The following CLASP1 variants were observed in gnomAD, a reference collection of about 807,000 sequenced individuals.
CLASP1 encodes CLIP-associating protein 1.
Under a neutral mutation model 192.3 loss-of-function variants are expected in CLASP1, and 38 were observed. The ratio of observed to expected loss-of-function variants is 0.20; its 90% CI spans 0.15 to 0.26. CLASP1 has a LOEUF of 0.26. Among genes scored for constraint, CLASP1 ranks in the 10% least tolerant of loss-of-function variants. The probability of loss-of-function intolerance (pLI) is 1.00; values close to 1 mark genes in which losing one functional copy is unlikely to be tolerated. For synonymous variants in CLASP1, 691 were observed against 712.8 expected, an observed-to-expected ratio of 0.97 and a Z score of 0.49; for missense variants, 1,433 against 1,932.5, an observed-to-expected ratio of 0.74 and a Z score of 4.85.
At chr2:121,430,367 G>T (rs1296394115) in intron 19 of CLASP1, among the ~76,000 whole-genome samples, 190 bp from the exon 20 acceptor site, 2 of 152,288 alleles carry the variant, frequency 1.3e-5, no homozygotes, top group Admixed American at 1.3e-4. Flanking sequence ...ATGCGCATAT[G>T]ATCCACGCAC....
intron 24 of CLASP1, among the ~76,000 whole-genome samples, chr2:121,408,583 G>C (rs940041760): frequency 6.6e-6 from 1 of 152,106 alleles, no homozygotes; most frequent in Non-Finnish European, 1.5e-5. Flanking sequence ...AACTTGCTCA[G>C]GACTGTTCTG....
At chr2:121,354,398 C>T (rs1054499483) in intron 37 of CLASP1, among the ~76,000 whole-genome samples, 5 of 152,166 alleles carry the variant, frequency 3.3e-5, no homozygotes, top group Admixed American at 6.5e-5. Context: ...TTACCTCAGA[C>T]GGGGCGCTTT....
intron 22 of CLASP1, 77 bp from the exon 23 acceptor site, chr2:121,418,806 A>C: frequency 9.5e-7 from 1 of 1,051,920 alleles, no homozygotes. Flanking sequence ...AATGTCAGTC[A>C]CATTTGGTTA....
At chr2:121,408,585 A>T (rs2077244596) in intron 24 of CLASP1, among the ~76,000 whole-genome samples, 1 of 152,186 alleles carries the variant, frequency 6.6e-6, no homozygotes, top group Non-Finnish European at 1.5e-5. Flanking sequence ...CTTGCTCAGG[A>T]CTGTTCTGCC....
At chr2:121,593,818 A>G (rs1212894839) in intron 2 of CLASP1, among the ~76,000 whole-genome samples, 1 of 146,294 alleles carries the variant, frequency 6.8e-6, no homozygotes, top group African/African-American at 2.6e-5. Flanking sequence ...CAAGACCAGC[A>G]TGACCAACAT....
At chr2:121,609,491 T>C (rs181484661) in intron 1 of CLASP1, among the ~76,000 whole-genome samples, 1 of 152,344 alleles carries the variant, frequency 6.6e-6, no homozygotes, top group Admixed American at 6.5e-5. Flanking sequence ...CTTATTCTTA[T>C]TAAACTGATG....
chr2:121,461,104 A>G, exon 11 of CLASP1: 1 of 1,585,458 alleles, frequency 6.3e-7, no homozygotes, highest in South Asian at 1.1e-5. Context: ...AGCTTACAGC[A>G]TTTACTCTCT....
intron 2 of CLASP1, among the ~76,000 whole-genome samples, chr2:121,543,214 G>T (rs2095267526): frequency 1.3e-5 from 2 of 152,082 alleles, no homozygotes; most frequent in South Asian, 4.1e-4. Context: ...GGGGGTAAGG[G>T]GGCCATGGAA....
chr2:121,645,754 A>C (rs1353998826), intron 1 of CLASP1, among the ~76,000 whole-genome samples: 1 of 152,198 alleles, frequency 6.6e-6, no homozygotes, highest in African/African-American at 2.4e-5. Flanking sequence ...TTATGGAAGA[A>C]ATGTCACCAT....
chr2:121,443,343 G>A (rs1237061410), intron 19 of CLASP1, among the ~76,000 whole-genome samples: 1 of 151,442 alleles, frequency 6.6e-6, no homozygotes, highest in East Asian at 1.9e-4. Flanking sequence ...TTTCAATTCT[G>A]TTATATAGGC....
chr2:121,418,847 G>T, intron 22 of CLASP1, 118 bp from the exon 23 acceptor site: 1 of 712,510 alleles, frequency 1.4e-6, no homozygotes, highest in Non-Finnish European at 2.4e-6. Context: ...GCGCTGGGGA[G>T]TTCTGATGAC....
At chr2:121,633,470 C>G (rs1305276823) in intron 1 of CLASP1, among the ~76,000 whole-genome samples, 1 of 152,052 alleles carries the variant, frequency 6.6e-6, no homozygotes, top group African/African-American at 2.4e-5. Context: ...GAATCACTGA[C>G]CAGTTTATAA....
At chr2:121,638,073 C>T (rs2071242640) in intron 1 of CLASP1, among the ~76,000 whole-genome samples, 1 of 151,986 alleles carries the variant, frequency 6.6e-6, no homozygotes, top group South Asian at 2.1e-4. Flanking sequence ...TGACAAAGGA[C>T]TTGTAACCAA....
At position 121,360,604 on chromosome 2, in the gene CLASP1, A is replaced by G. The variant is rs1464900626; in HGVS notation, c.4206+2568T>C. Among the ~76,000 whole-genome samples, 10 of 100,404 alleles carry G rather than the reference A, an allele frequency of 1.0e-4. No homozygotes were observed. The East Asian group carries it at 2.6e-3, about 26-fold the overall frequency. The allele number at this position is 100,404 out of a possible 152,430, so 65.9% of individuals were successfully genotyped here. On this transcript the variant is annotated intron_variant, in intron 37 of 39. Coordinates refer to ENST00000263710, the Ensembl canonical transcript of CLASP1. ...TAAGAAGAACTTCAAGGGAAAAGAA[A>G]AAAAAAAAAAAAAGGAACGAAAAAT...
At position 121,402,214 on chromosome 2, in the gene CLASP1, G is replaced by A. The variant is rs187815277; in HGVS notation, c.2734-344C>T. Among the ~76,000 whole-genome samples the A allele has an allele frequency of 2.1e-3, 323 of 152,210 alleles. 1 individual carries two copies. Among genetic ancestry groups the A allele is most frequent in the African/African-American group, 7.3e-3 (302 of 41,524 alleles). ...CTATTGTGTAGCTATTGCTTTTCAC[G>A]TCAGACATTTTGATGTATACCAATT... On this transcript the variant is annotated intron_variant, in intron 26 of 39. Coordinates refer to ENST00000263710, the Ensembl canonical transcript of CLASP1.
chr2:121,448,898 C>T, intron 17 of CLASP1, 55 bp downstream of exon 17: 1 of 1,557,356 alleles, frequency 6.4e-7, no homozygotes, highest in South Asian at 1.2e-5. Context: ...TTTCATGTGA[C>T]AAACTTTTAA....
chr2:121,637,785 C>T (rs2071177572), intron 1 of CLASP1, among the ~76,000 whole-genome samples: 1 of 151,868 alleles, frequency 6.6e-6, no homozygotes, highest in Non-Finnish European at 1.5e-5. Flanking sequence ...ACTCAGGAGG[C>T]TGAGGCAGGA....
intron 8 of CLASP1, among the ~76,000 whole-genome samples, chr2:121,478,939 CCACACACACACCACA>C (rs2092269315): frequency 2.8e-5 from 1 of 36,130 alleles, no homozygotes; most frequent in Admixed American, 2.5e-4. Context: ...ACAACACCCC[CCACACACACACCACA>C]CACACACACC....
intron 39 of CLASP1, among the ~76,000 whole-genome samples, chr2:121,345,663 G>A (rs773871386): frequency 6.6e-5 from 10 of 152,186 alleles, no homozygotes; most frequent in Non-Finnish European, 1.5e-4. Context: ...GCAAGGAGAA[G>A]GAACTGGAGA....
Sources: allele counts gnomAD v4.1 joint callset (sites outside exome capture counted in the v4.1 genomes callset), GRCh38; gene constraint gnomAD v4.1.1; transcripts MANE v1.5; gene names NCBI Gene and HGNC (gene_info 2026-07-23, HGNC 2026-07-21).